The following WRAP73 variants were observed in gnomAD, a reference collection of about 807,000 sequenced individuals.
The protein encoded by WRAP73 is WD repeat-containing protein WRAP73.
A neutral mutation model predicts 59.6 loss-of-function variants in WRAP73; 55 were observed. That is an observed-to-expected ratio of 0.92 (90% CI 0.74 to 1.15). The LOEUF is 1.15. Among genes scored for constraint, WRAP73 ranks in the 50% most tolerant of loss-of-function variants. The probability of loss-of-function intolerance (pLI) is 0.00; values close to 1 mark genes in which losing one functional copy is unlikely to be tolerated. For missense variants in WRAP73, 592 were observed against 608.1 expected (o/e 0.97, Z 0.28); for synonymous variants, 265 against 258.2 (o/e 1.03, Z -0.25).
chr1:3,649,971 G>A lies in WRAP73; in HGVS notation c.29C>T (p.Ser10Phe). 1 of 1,603,688 alleles carries A rather than the reference G, an allele frequency of 6.2e-7. No homozygotes were observed. The highest frequency in any genetic ancestry group is 8.5e-7 in the Non-Finnish European group (1 of 1,176,440). Residue 10 changes from serine to phenylalanine, a missense_variant, in exon 1 of 12, where the codon TCC becomes TTC. Physicochemically the swap from Ser to Phe is radical, Grantham distance 155. Coordinates refer to ENST00000270708, the MANE Select transcript of WRAP73 (RefSeq NM_017818.4). MNFSEVFKL[S>F]SLLCKFSPDG... ...CGGGGAGAACTTGCAGAGTAAGCTGGAGAGCTTGAATACCTCGGAGAAGTT... is the reference window on the plus strand; with the variant it reads ...CGGGGAGAACTTGCAGAGTAAGCTGAAGAGCTTGAATACCTCGGAGAAGTT...
intron 3 of WRAP73, among the ~76,000 whole-genome samples, chr1:3,644,485 TGCCCGCA>T (rs1644671997): frequency 6.6e-6 from 1 of 152,244 alleles, no homozygotes; most frequent in Admixed American, 6.5e-5. Flanking sequence ...TGATGGACGG[TGCCCGCA>T]GCTCACTTCC....
At chr1:3,640,144 G>T (rs1051344091) in intron 3 of WRAP73, among the ~76,000 whole-genome samples, 7 of 152,360 alleles carry the variant, frequency 4.6e-5, no homozygotes, top group African/African-American at 1.4e-4. Context: ...GGGGTCACGT[G>T]GCAGCACGGA....
At chr1:3,642,496 T>A (rs1264683201) in intron 3 of WRAP73, among the ~76,000 whole-genome samples, 3 of 152,020 alleles carry the variant, frequency 2.0e-5, no homozygotes, top group Non-Finnish European at 4.4e-5. Flanking sequence ...CCCAGCACTT[T>A]GGGAGGCCGA....
At chr1:3,648,044 C>A (rs765104320) in intron 1 of WRAP73, among the ~76,000 whole-genome samples, 2 of 152,166 alleles carry the variant, frequency 1.3e-5, no homozygotes, top group African/African-American at 4.8e-5. Flanking sequence ...TATGCAGTGC[C>A]GAACTCAGAG....
chr1:3,631,589 G>C lies in WRAP73; in HGVS notation c.1117C>G (p.Leu373Val). The change falls in exon 11 of 12, where the codon CTG becomes GTG. Residue 373 changes from leucine to valine, a missense_variant. Coordinates refer to ENST00000270708, the MANE Select transcript of WRAP73 (RefSeq NM_017818.4). ...CACTGAAATGCGCGCACTGGGGACA[G>C]CTGCTCGAGCACCGCGAACAGCCTC... ...KLRLFAVLEQ[L>V]SPVRAFQWDP... 1 of 1,608,528 alleles carries C rather than the reference G, an allele frequency of 6.2e-7. No homozygotes were observed. Among genetic ancestry groups the C allele is most frequent in the Non-Finnish European group, 8.5e-7 (1 of 1,179,884 alleles).
intron 8 of WRAP73, chr1:3,633,764 G>C (rs1644563427): frequency 2.3e-6 from 1 of 435,266 alleles, no homozygotes; most frequent in Non-Finnish European, 4.1e-6. Context: ...TTACAGACGG[G>C]AGACCACTGC....
chr1:3,646,658 A>G lies in WRAP73; in HGVS notation c.339+8T>C. On this transcript the variant is annotated splice_region_variant and intron_variant, in intron 3 of 11. Coordinates refer to ENST00000270708, the MANE Select transcript of WRAP73 (RefSeq NM_017818.4). The surrounding 1 kb of genome is among the most constrained non-coding windows in gnomAD (Gnocchi z 5.1). ...TGGCCAGTAAGGTGTCTTGGGGCTG[A>G]CACTTACATGGAATTCCGTGGTGTT... is the stretch of plus-strand genomic sequence containing the variant. 6.3e-7 allele frequency: 1 copy of G among 1,589,578 alleles called. No homozygotes were observed. The highest frequency in any genetic ancestry group is 8.6e-7 in the Non-Finnish European group (1 of 1,162,738).
Position 3,640,493 on chromosome 1 carries a change from C to A in WRAP73, c.340-1671G>T, listed in dbSNP as rs1469272404. The stretch of plus-strand genomic sequence containing the variant: ...GCAGGGCAGGGTGGAACACCCGAGG[C>A]TCTGAGCATCAGCAGGGCGGGGTGC... On this transcript the variant is annotated intron_variant, in intron 3 of 11. Coordinates refer to ENST00000270708, the MANE Select transcript of WRAP73 (RefSeq NM_017818.4). Among the ~76,000 whole-genome samples, 106 of 24,002 alleles carry A rather than the reference C, an allele frequency of 4.4e-3. 5 individuals are homozygous for A. The highest frequency in any genetic ancestry group is 0.014 in the African/African-American group (99 of 7,314). The allele number at this position is 24,002 out of a possible 152,430, so 15.7% of individuals were successfully genotyped here.
At chr1:3,632,105 G>A (rs1294301045) in intron 10 of WRAP73, 108 bp downstream of exon 10, 13 of 1,509,992 alleles carry the variant, frequency 8.6e-6, no homozygotes, top group Non-Finnish European at 1.1e-5. Flanking sequence ...GTGAAAGGAG[G>A]TGACGTGTCG....
chr1:3,640,669 C>T (rs993903456), intron 3 of WRAP73, among the ~76,000 whole-genome samples: 5 of 149,430 alleles, frequency 3.3e-5, no homozygotes, highest in Non-Finnish European at 4.4e-5. Flanking sequence ...CAGGGTGGAG[C>T]GCCCGAGCAT....
At position 3,637,344 on chromosome 1, in the gene WRAP73, C is replaced by A. The variant is rs1644598756; in HGVS notation, c.413-246G>T. Reference sequence around the variant, plus strand: ...GGGGGAAGCTGTACACACACAGGAGCCGGTTTGCAAGGCTCTGTCAAAAAT... The same window carrying A: ...GGGGGAAGCTGTACACACACAGGAGACGGTTTGCAAGGCTCTGTCAAAAAT... On this transcript the variant is annotated intron_variant, in intron 4 of 11. Coordinates refer to ENST00000270708, the MANE Select transcript of WRAP73 (RefSeq NM_017818.4). 2.6e-5 allele frequency among the ~76,000 whole-genome samples: 4 copies of A among 152,286 alleles called. No homozygotes were observed. The South Asian group carries it at 8.3e-4, about 32-fold the overall frequency.
In WRAP73 at chr1:3,646,835, G is replaced by C. The variant is rs1644696267; in HGVS notation, c.223-53C>G. The C allele has an allele frequency of 6.8e-7, 1 of 1,479,364 alleles. No homozygotes were observed. Among genetic ancestry groups the C allele is most frequent in the African/African-American group, 1.4e-5 (1 of 71,012 alleles). 91.6% of individuals were successfully genotyped at this position (1,479,364 alleles called of 1,614,324 possible). ...AAGTGCAAACTCATCAGCACCGAGA[G>C]ACAGCGAGGACAGCTCGCTTAAACG... On this transcript the variant is annotated intron_variant, in intron 2 of 11. Coordinates refer to ENST00000270708, the MANE Select transcript of WRAP73 (RefSeq NM_017818.4). This position sits in a 1 kb window ranked among gnomAD's most constrained non-coding sequence, Gnocchi z 5.1.
chr1:3,642,001 G>A (rs1439905713), intron 3 of WRAP73, among the ~76,000 whole-genome samples: 3 of 152,226 alleles, frequency 2.0e-5, no homozygotes, highest in South Asian at 4.1e-4. Context: ...CTGTGCCACC[G>A]CGGAATCATG....
In WRAP73 at chr1:3,631,099, G is replaced by A. The variant is rs377350126; in HGVS notation, c.1259C>T (p.Ser420Phe). 5.3e-5 allele frequency: 86 copies of A among 1,613,238 alleles called. No homozygotes were observed. Among genetic ancestry groups the A allele is most frequent in the Non-Finnish European group, 5.3e-5 (63 of 1,180,028 alleles). ...GTCTCCGCTTAAATGCCAGCACAGA[G>A]AGAGCACTGCAAAGTCGCCTAGAGA... is the stretch of plus-strand genomic sequence containing the variant. The part of the protein sequence containing the change: ...VPGEGDFAVL[S>F]LCWHLSGDSM... The change falls in exon 12 of 12, where the codon TCT becomes TTT. Residue 420 changes from serine to phenylalanine, a missense_variant. Ser to Phe is a radical substitution (Grantham distance 155). Coordinates refer to ENST00000270708, the MANE Select transcript of WRAP73 (RefSeq NM_017818.4).
intron 4 of WRAP73, 52 bp from the exon 5 acceptor site, chr1:3,637,150 G>C: frequency 6.8e-7 from 1 of 1,468,946 alleles, no homozygotes; most frequent in Non-Finnish European, 9.3e-7. Context: ...AATCAAGCAA[G>C]AGAAACCACA....
chr1:3,644,513 G>A (rs556144911), intron 3 of WRAP73, among the ~76,000 whole-genome samples: 5 of 152,338 alleles, frequency 3.3e-5, no homozygotes, highest in African/African-American at 4.8e-5. Context: ...TGGCCAGCAC[G>A]TCTGGAATTC....
intron 9 of WRAP73, chr1:3,633,132 G>C (rs554214538): frequency 4.7e-6 from 2 of 421,816 alleles, no homozygotes; most frequent in Non-Finnish European, 8.5e-6. Context: ...TCGGAGCTCC[G>C]GAAAAACATC....
intron 10 of WRAP73, 157 bp from the exon 11 acceptor site, chr1:3,631,814 T>C (rs1238226844): frequency 1.4e-6 from 2 of 1,426,652 alleles, no homozygotes; most frequent in East Asian, 2.5e-5. Flanking sequence ...TTGGGCCCTG[T>C]AGGGCTCCTG....
rs1644697105 is a variant in WRAP73 at position 3,646,881 on chromosome 1, A to G, written c.223-99T>C. 1 of 996,014 alleles carries G rather than the reference A, an allele frequency of 1.0e-6. No individual in the cohort carries two copies. Among genetic ancestry groups the G allele is most frequent in the Non-Finnish European group, 1.5e-6 (1 of 649,232 alleles). The allele number at this position is 996,014 out of a possible 1,614,324, so 61.7% of individuals were successfully genotyped here. On this transcript the variant is annotated intron_variant, in intron 2 of 11. Coordinates refer to ENST00000270708, the MANE Select transcript of WRAP73 (RefSeq NM_017818.4). The surrounding 1 kb of genome is among the most constrained non-coding windows in gnomAD (Gnocchi z 5.1). ...AAACGCAGCGGAGACCCGACCGCAC[A>G]GGGTGTCTTCAAACTCATCAGCAGT...
Sources: gnomAD v4.1 joint callset for allele counts (sites outside exome capture counted in the v4.1 genomes callset) on GRCh38, gnomAD v4.1.1 for gene constraint, Gnocchi (gnomAD v3.1) non-coding constraint, MANE v1.5 for transcripts, NCBI Gene and HGNC (gene_info 2026-07-23, HGNC 2026-07-21) for gene names.